Variants in FSCN3 observed in about 807,000 individuals in gnomAD.
FSCN3 encodes the protein fascin-3.
In FSCN3, 43 loss-of-function variants were observed where a neutral mutation model predicts 53.5. The ratio of observed to expected loss-of-function variants is 0.80; its 90% CI spans 0.63 to 1.04. FSCN3 has a LOEUF of 1.04. Ranked by LOEUF, FSCN3 falls within the 50% of genes least tolerant of loss-of-function variation. The probability of loss-of-function intolerance (pLI) is 0.00; values close to 1 mark genes in which losing one functional copy is unlikely to be tolerated. For missense variants in FSCN3, 594 were observed against 646.5 expected (o/e 0.92, Z 0.88); for synonymous variants, 235 against 246.6 (o/e 0.95, Z 0.44).
chr7:127,596,796 G>A (rs1443325345), intron 3 of FSCN3, among the ~76,000 whole-genome samples: 7 of 152,128 alleles, frequency 4.6e-5, no homozygotes, highest in African/African-American at 4.8e-5. Context: ...CAACCATGCC[G>A]TAAGCATATC....
At chr7:127,598,624 T>C in intron 4 of FSCN3, 30 bp downstream of exon 4, 2 of 1,564,034 alleles carry the variant, frequency 1.3e-6, no homozygotes, top group Non-Finnish European at 1.7e-6. Flanking sequence ...TGCCAGATGA[T>C]TCCAAGTCAG....
chr7:127,595,654 C>T lies in FSCN3; in HGVS notation c.492C>T (p.Gly164=). The T allele has an allele frequency of 6.2e-7, 1 of 1,613,910 alleles. No individual in the cohort carries two copies. Among genetic ancestry groups the T allele is most frequent in the Non-Finnish European group, 8.5e-7 (1 of 1,179,750 alleles). ...RCYARADPTM[G]RIWVDAAVPC... ...ATGCCCGGGCTGACCCCACTATGGG[C>T]CGCATCTGGGTGGACGCAGCAGTTC... Residue 164 remains glycine (G), a synonymous_variant, in exon 2 of 7, where the codon GGC becomes GGT. Transcript: ENST00000265825.
Position 127,602,112 on chromosome 7 carries a change from C to T in FSCN3, c.*490C>T, listed in dbSNP as rs1794485593. On this transcript the variant is annotated 3_prime_UTR_variant, in exon 7 of 7. Coordinates refer to ENST00000265825, the MANE Select transcript of FSCN3 (RefSeq NM_020369.3). ...TATGCCTGTATAGGCCACTTTACCT[C>T]CTCCTACCACGATTTATTTAACTTC... 1 of 152,090 alleles carries T rather than the reference C, an allele frequency of 6.6e-6. No individual in the cohort carries two copies. The highest frequency in any genetic ancestry group is 6.6e-5 in the Admixed American group (1 of 15,260). The allele number at this position is 152,090 out of a possible 1,614,324, so 9.4% of individuals were successfully genotyped here. A position where few individuals can be genotyped will look rare whatever the true frequency, so the allele number is the denominator to read the frequency against.
chr7:127,594,088 A>ATG (rs10685553), intron 1 of FSCN3, 91 bp downstream of exon 1: 45,859 of 934,442 alleles, frequency 0.049, 1,080 homozygotes, highest in East Asian at 0.25. Context: ...GCGTGAGTGT[A>ATG]TGTGTGTGTG....
chr7:127,595,962 G>A lies in FSCN3; in HGVS notation c.800G>A (p.Ser267Asn). The A allele has an allele frequency of 6.3e-7, 1 of 1,579,462 alleles. No homozygotes were observed. The highest frequency in any genetic ancestry group is 1.8e-5 in the Admixed American group (1 of 56,802). The change falls in exon 2 of 7, where the codon AGC becomes AAC. Residue 267 changes from serine (S) to asparagine (N), a missense_variant. Ser to Asn is a conservative substitution (Grantham distance 46). Transcript: ENST00000265825. The stretch of plus-strand genomic sequence containing the variant: ...CTACAGCACTGCCCAACCTGGGTCA[G>A]CCTCAGGTCAAAGACTGGGCGGTTC... ...FILQHCPTWV[S>N]LRSKTGRFIS...
At position 127,593,876 on chromosome 7, in the gene FSCN3, A is replaced by G; in HGVS notation, c.23A>G (p.His8Arg). The G allele has an allele frequency of 6.3e-7, 1 of 1,575,482 alleles. No homozygotes were observed. Among genetic ancestry groups the G allele is most frequent in the Admixed American group, 1.9e-5 (1 of 53,930 alleles). Reference sequence around the variant, plus strand: ...CCCATGGATGAGACAGAGTGGATACACAGACATCCCAAGGCTGAGGACCTA... The same window carrying G: ...CCCATGGATGAGACAGAGTGGATACGCAGACATCCCAAGGCTGAGGACCTA... MDETEWI[H>R]RHPKAEDLRV... Residue 8 changes from histidine to arginine, a missense_variant, in exon 1 of 7, where the codon CAC (histidine) becomes CGC (arginine). Physicochemically the swap from His to Arg is conservative, Grantham distance 29. Coordinates refer to ENST00000265825, the MANE Select transcript of FSCN3 (RefSeq NM_020369.3).
At chr7:127,601,164 C>T (rs1177948358) in intron 6 of FSCN3, among the ~76,000 whole-genome samples, 1 of 152,252 alleles carries the variant, frequency 6.6e-6, no homozygotes, top group East Asian at 1.9e-4. Context: ...ACCATTGCCA[C>T]CACTTGGCTC....
At position 127,593,925 on chromosome 7, in the gene FSCN3, A is replaced by G. The variant is rs1450677657; in HGVS notation, c.72A>G (p.Ala24=). The stretch of plus-strand genomic sequence containing the variant: ...TAAGGGTTGGGCTCATCAGCTGGGC[A>G]GGAACCTACCTCACCTTTGAGGCAT... ...EDLRVGLISW[A]GTYLTFEACK... is the part of the protein sequence containing the mutation. The change falls in exon 1 of 7, where the codon GCA becomes GCG. Residue 24 remains alanine (A), a synonymous_variant. Transcript: ENST00000265825. The G allele has an allele frequency of 5.0e-6, 8 of 1,607,818 alleles. No homozygotes were observed. Among genetic ancestry groups the G allele is most frequent in the Non-Finnish European group, 5.9e-6 (7 of 1,177,176 alleles).
chr7:127,595,634 C>T lies in FSCN3; in HGVS notation c.472C>T (p.Arg158Trp), dbSNP rs539424405. 11 of 1,614,002 alleles carry T rather than the reference C, an allele frequency of 6.8e-6. No individual in the cohort carries two copies. The highest frequency in any genetic ancestry group is 4.4e-5 in the South Asian group (4 of 91,074). The change falls in exon 2 of 7, where the codon CGG (arginine) becomes TGG (tryptophan). Residue 158 changes from arginine to tryptophan, a missense_variant. By Grantham distance (101) the Arg-to-Trp change is moderately radical (BLOSUM62 -3). Transcript: ENST00000265825. ...CAGCCCCATCCACCGCTGCTATGCC[C>T]GGGCTGACCCCACTATGGGCCGCAT... is the stretch of plus-strand genomic sequence containing the variant. ...LYSPIHRCYARADPTMGRIWV... is the reference protein window; with the variant it reads ...LYSPIHRCYAWADPTMGRIWV...
At chr7:127,596,079 C>A in intron 2 of FSCN3, 76 bp downstream of exon 2, 1 of 1,492,354 alleles carries the variant, frequency 6.7e-7, no homozygotes, top group Non-Finnish European at 8.9e-7. Flanking sequence ...TTGGGATCAG[C>A]ACAGATTTTT....
chr7:127,599,940 G>A (rs1674213755), intron 5 of FSCN3, among the ~76,000 whole-genome samples: 2 of 147,872 alleles, frequency 1.4e-5, no homozygotes, highest in South Asian at 4.3e-4. Flanking sequence ...CCGAGACTCC[G>A]TTTCCAAAAA....
intron 1 of FSCN3, chr7:127,595,047 G>C (rs1255959601): frequency 1.7e-6 from 1 of 576,826 alleles, no homozygotes; most frequent in Non-Finnish European, 3.1e-6. Flanking sequence ...TCTGTTAGCT[G>C]AAGGAGGTAG....
At chr7:127,601,311 A>G (rs578075420) in intron 6 of FSCN3, among the ~76,000 whole-genome samples, 1 of 152,138 alleles carries the variant, frequency 6.6e-6, no homozygotes, top group South Asian at 2.1e-4. Context: ...CTTCCCTTCC[A>G]TCATTCCCTG....
chr7:127,596,976 T>C (rs896945636), intron 3 of FSCN3, among the ~76,000 whole-genome samples: 1 of 152,268 alleles, frequency 6.6e-6, no homozygotes, highest in African/African-American at 2.4e-5. Context: ...ACATACAGTA[T>C]GTATGGTACA....
Position 127,593,818 on chromosome 7 carries a change from G to C in FSCN3, c.-36G>C. ...GAACCTCACCACGGGGGGGAGGGCTGGGCCAGACGGAGACATCACCTGTGG... is the reference window on the plus strand; with the variant it reads ...GAACCTCACCACGGGGGGGAGGGCTCGGCCAGACGGAGACATCACCTGTGG... On this transcript the variant is annotated 5_prime_UTR_variant, in exon 1 of 7. Transcript: ENST00000265825. The C allele has an allele frequency of 1.3e-6, 2 of 1,552,762 alleles. No homozygotes were observed. The highest frequency in any genetic ancestry group is 1.7e-6 in the Non-Finnish European group (2 of 1,147,518).
Position 127,595,473 on chromosome 7 carries a change from A to C in FSCN3, c.311A>C (p.Lys104Thr), listed in dbSNP as rs766681711. Residue 104 changes from lysine to threonine, a missense_variant, in exon 2 of 7, where the codon AAG becomes ACG. Physicochemically the swap from Lys to Thr is moderately conservative, Grantham distance 78. Coordinates refer to ENST00000265825, the MANE Select transcript of FSCN3 (RefSeq NM_020369.3). ...CTACTGCGTTTCCACCGGAACAGCA[A>C]GTGGACCCTCCAGTGCCTAATCTCT... ...CFLLRFHRNS[K>T]WTLQCLISGR... 1.2e-6 allele frequency: 2 copies of C among 1,614,172 alleles called. No homozygotes were observed. Among genetic ancestry groups the C allele is most frequent in the South Asian group, 2.2e-5 (2 of 91,082 alleles).
In FSCN3 at chr7:127,593,906, T is replaced by C; in HGVS notation, c.53T>C (p.Val18Ala). The change falls in exon 1 of 7, where the codon GTT becomes GCT. Residue 18 changes from valine (V) to alanine (A), a missense_variant. By Grantham distance (64) the Val-to-Ala change is moderately conservative (BLOSUM62 0). Transcript: ENST00000265825. ...HRHPKAEDLRVGLISWAGTYL... is the reference protein window; with the variant it reads ...HRHPKAEDLRAGLISWAGTYL... ...CATCCCAAGGCTGAGGACCTAAGGG[T>C]TGGGCTCATCAGCTGGGCAGGAACC... 6.3e-7 allele frequency: 1 copy of C among 1,597,920 alleles called. No individual in the cohort carries two copies. The highest frequency in any genetic ancestry group is 8.5e-7 in the Non-Finnish European group (1 of 1,172,046).
At chr7:127,596,571 A>G in intron 3 of FSCN3, 125 bp downstream of exon 3, 1 of 494,762 alleles carries the variant, frequency 2.0e-6, no homozygotes, top group South Asian at 4.6e-5. Context: ...ACTTGTTGAT[A>G]AACATTCATT....
intron 1 of FSCN3, 53 bp downstream of exon 1, chr7:127,594,050 G>A: frequency 6.3e-7 from 1 of 1,596,054 alleles, no homozygotes; most frequent in Admixed American, 1.7e-5. Flanking sequence ...CAAGCTGTGT[G>A]TGTGTGTGTG....
Sources: gnomAD v4.1 joint callset for allele counts (sites outside exome capture counted in the v4.1 genomes callset) on GRCh38, gnomAD v4.1.1 for gene constraint, MANE v1.5 for transcripts, NCBI Gene and HGNC (gene_info 2026-07-23, HGNC 2026-07-21) for gene names.